UBR1: variants seen among roughly 807,000 people sequenced by gnomAD.
UBR1 encodes E3 ubiquitin-protein ligase UBR1.
In UBR1, 102 loss-of-function variants were observed where a neutral mutation model predicts 242.1. That is an observed-to-expected ratio of 0.42 (90% CI 0.36 to 0.50). The LOEUF (loss-of-function observed/expected upper bound fraction) is 0.50, where lower values mean the gene tolerates loss of function less well. Among genes scored for constraint, UBR1 ranks in the 20% least tolerant of loss-of-function variants. UBR1 has a pLI of 0.01. For missense variants in UBR1, 1,772 were observed against 2,101.8 expected (o/e 0.84, Z 3.07); for synonymous variants, 675 against 684.8 (o/e 0.99, Z 0.22).
At position 43,041,481 on chromosome 15, in the gene UBR1, C is replaced by A. The variant is rs569231517; in HGVS notation, c.1849+1734G>T. Among the ~76,000 whole-genome samples, 68 of 152,036 alleles carry A rather than the reference C, an allele frequency of 4.5e-4. 1 individual carries two copies. The highest frequency in any genetic ancestry group is 1.5e-3 in the African/African-American group (61 of 41,464). On this transcript the variant is annotated intron_variant, in intron 15 of 46. Coordinates refer to ENST00000290650, the MANE Select transcript of UBR1 (RefSeq NM_174916.3). ...GGGGCCCCCAATGTATAGGGACCCC[C>A]CTATACATTAAATGACGAGTTAATG...
At chr15:43,008,879 C>T (rs1353184619) in intron 29 of UBR1, among the ~76,000 whole-genome samples, 1 of 152,044 alleles carries the variant, frequency 6.6e-6, no homozygotes, top group Non-Finnish European at 1.5e-5. Context: ...ATCTCCTCTC[C>T]ACTGAGTGCT....
In UBR1 at chr15:43,082,620, A is replaced by G. The variant is rs1295427927; in HGVS notation, c.417+18T>C. The G allele has an allele frequency of 3.1e-6, 5 of 1,606,184 alleles. No homozygotes were observed. The highest frequency in any genetic ancestry group is 4.3e-6 in the Non-Finnish European group (5 of 1,173,026). ...TCAGATTCCTGCTTATTCAGAGGTT[A>G]TGGTTATATTTTCTTACCTTGTAAC... On this transcript the variant is annotated intron_variant, in intron 3 of 46. Transcript: ENST00000290650.
chr15:43,030,341 T>C (rs1484346956), intron 20 of UBR1, among the ~76,000 whole-genome samples: 1 of 152,198 alleles, frequency 6.6e-6, no homozygotes, highest in Non-Finnish European at 1.5e-5. Context: ...CATATTCGTA[T>C]ACATACACAT....
chr15:43,002,444 C>A (rs925664428), intron 32 of UBR1, 111 bp downstream of exon 32: 2 of 1,274,094 alleles, frequency 1.6e-6, no homozygotes, highest in African/African-American at 3.0e-5. Context: ...TGGTCTCGAA[C>A]CCCTGAGCTC....
At chr15:42,979,786 C>T (rs977462627) in intron 37 of UBR1, among the ~76,000 whole-genome samples, 1 of 151,974 alleles carries the variant, frequency 6.6e-6, no homozygotes, top group Admixed American at 6.6e-5. Flanking sequence ...TTGAACTCCT[C>T]GCCTCAAGAG....
chr15:43,015,243 T>C (rs573185240), intron 29 of UBR1, among the ~76,000 whole-genome samples: 103 of 152,308 alleles, frequency 6.8e-4, no homozygotes, highest in Non-Finnish European at 1.3e-3. Context: ...GGATGGTTGC[T>C]GTGTCTGTGT....
At chr15:43,034,629 G>T (rs1038725794) in intron 19 of UBR1, among the ~76,000 whole-genome samples, 5 of 151,818 alleles carry the variant, frequency 3.3e-5, no homozygotes, top group African/African-American at 1.2e-4. Context: ...AGGCACGGTG[G>T]CTCACCAGAA....
chr15:43,095,084 C>T (rs1297520680), intron 1 of UBR1, among the ~76,000 whole-genome samples: 1 of 152,206 alleles, frequency 6.6e-6, no homozygotes, highest in Non-Finnish European at 1.5e-5. Context: ...GTATCTATTT[C>T]ATATTCTCTT....
chr15:43,038,133 A>G (rs1485705174), intron 16 of UBR1, 38 bp downstream of exon 16: 1 of 1,595,392 alleles, frequency 6.3e-7, no homozygotes, highest in South Asian at 1.1e-5. Context: ...ATTCAGAAAC[A>G]GAATATAAGC....
chr15:43,062,712 G>C lies in UBR1; in HGVS notation c.799-2598C>G, dbSNP rs148651303. On this transcript the variant is annotated intron_variant, in intron 6 of 46. Coordinates refer to ENST00000290650, the MANE Select transcript of UBR1 (RefSeq NM_174916.3). ...CTACAGCCTTGAACTCCCAGGCTCA[G>C]CCTCCTAAGTAGCTGGGACTACAGG... Among the ~76,000 whole-genome samples, 1,377 of 152,246 alleles carry C rather than the reference G, an allele frequency of 9.0e-3. 17 individuals are homozygous for C. The highest frequency in any genetic ancestry group is 0.032 in the African/African-American group (1,310 of 41,540).
chr15:43,105,346 A>T (rs1438345014), intron 1 of UBR1, among the ~76,000 whole-genome samples: 3 of 152,232 alleles, frequency 2.0e-5, no homozygotes, highest in Admixed American at 6.5e-5. Flanking sequence ...AGATTCCGAC[A>T]TCAATTAATG....
chr15:43,037,123 G>A (rs2033347354), intron 17 of UBR1, among the ~76,000 whole-genome samples: 1 of 151,480 alleles, frequency 6.6e-6, no homozygotes, highest in South Asian at 2.1e-4. Flanking sequence ...TCAGGTGACC[G>A]GATCACCTGA....
Position 42,949,537 on chromosome 15 carries a change from GC to G in UBR1, c.5108+724del, listed in dbSNP as rs201617218. ...CTCTCAGCCGGGCATGGTGGCTCAT[GC>G]CTGTAATCCCAGCACTTTGGGAGGC... is the stretch of plus-strand genomic sequence containing the variant. On this transcript the variant is annotated intron_variant, in intron 46 of 46. Transcript: ENST00000290650. Among the ~76,000 whole-genome samples, 7 of 152,112 alleles carry G rather than the reference GC, an allele frequency of 4.6e-5. No homozygotes were observed. In the East Asian group the frequency reaches 1.4e-3, roughly 29 times the overall value.
chr15:42,952,165 C>T (rs1308879171), intron 45 of UBR1, 113 bp downstream of exon 45: 2 of 1,335,222 alleles, frequency 1.5e-6, no homozygotes, highest in Non-Finnish European at 2.1e-6. Flanking sequence ...GGTTAATACT[C>T]TAACTTCTGA....
chr15:43,050,534 A>G lies in UBR1; in HGVS notation c.1440-2043T>C, dbSNP rs2033541849. ...AGACCACCCTGGGCAACACGGTGAA[A>G]CCCCGTCTCCACTAAAATATCTCCA... On this transcript the variant is annotated intron_variant, in intron 12 of 46. Coordinates refer to ENST00000290650, the MANE Select transcript of UBR1 (RefSeq NM_174916.3). Among the ~76,000 whole-genome samples the G allele has an allele frequency of 3.3e-5, 5 of 152,054 alleles. No individual in the cohort carries two copies. In the South Asian group the frequency reaches 1.0e-3, roughly 32 times the overall value.
intron 1 of UBR1, among the ~76,000 whole-genome samples, chr15:43,092,329 A>G (rs1452690768): frequency 6.6e-6 from 1 of 152,194 alleles, no homozygotes; most frequent in Non-Finnish European, 1.5e-5. Context: ...CTGTACTTAT[A>G]CCACTGGCTG....
In UBR1 at chr15:43,026,580, G is replaced by C; in HGVS notation, c.2516C>G (p.Ser839Cys). The change falls in exon 23 of 47, where the codon TCC (serine) becomes TGC (cysteine). Residue 839 changes from serine (S) to cysteine (C), a missense_variant. Around this residue, in one of 3 missense-constraint regions of UBR1, gnomAD observed 73 missense variants for 128.9 expected, o/e 0.57. Coordinates refer to ENST00000290650, the MANE Select transcript of UBR1 (RefSeq NM_174916.3). Reference protein sequence around the residue: ...KDFNMYFYHYSKTQHSKAEHM... With the variant: ...KDFNMYFYHYCKTQHSKAEHM... ...TTCTACCTTGCTATGCTGGGTTTTG[G>C]AGTAATGATAAAAGTACATATTGAA... The C allele has an allele frequency of 6.2e-7, 1 of 1,613,192 alleles. No homozygotes were observed. The highest frequency in any genetic ancestry group is 8.5e-7 in the Non-Finnish European group (1 of 1,179,578).
intron 2 of UBR1, among the ~76,000 whole-genome samples, chr15:43,085,301 C>A (rs1476496498): frequency 1.3e-5 from 2 of 152,250 alleles, no homozygotes; most frequent in African/African-American, 2.4e-5. Context: ...CCCGCCCTGA[C>A]TCTGCTGGGG....
At chr15:43,002,774 C>T (rs2032746468) in intron 31 of UBR1, 70 bp from the exon 32 acceptor site, 1 of 1,601,206 alleles carries the variant, frequency 6.2e-7, no homozygotes, top group Non-Finnish European at 8.5e-7. Flanking sequence ...TCTCTACTTG[C>T]TCTAATCCAA....
Sources: allele counts gnomAD v4.1 joint callset (sites outside exome capture counted in the v4.1 genomes callset), GRCh38; gene constraint gnomAD v4.1.1; regional missense constraint gnomAD v4.1.1; transcripts MANE v1.5; gene names NCBI Gene and HGNC (gene_info 2026-07-23, HGNC 2026-07-21).